TACC1: variants seen among roughly 807,000 people sequenced by gnomAD.
TACC1 encodes the protein transforming acidic coiled-coil containing protein 1, also known as transforming acidic coiled-coil-containing protein 1.
TACC1 carries 48 observed loss-of-function variants against 84.4 expected under a neutral mutation model. The observed-to-expected ratio is 0.57, with a 90% CI of 0.45 to 0.72. TACC1 has a LOEUF of 0.72. Ranked by LOEUF, TACC1 falls within the 30% of genes least tolerant of loss-of-function variation. TACC1 has a pLI of 0.00. For missense variants in TACC1, 920 were observed against 973.0 expected, an observed-to-expected ratio of 0.95 and a Z score of 0.72; for synonymous variants, 372 against 376.3, an observed-to-expected ratio of 0.99 and a Z score of 0.13.
rs1817474073 is a variant in TACC1 at position 38,787,358 on chromosome 8, G to A, written c.-225G>A. ...AGTGGAGCCCGGCGCGGGGCCCGCT[G>A]CGGCCGCACCGTGAGGGGAGGAGGC... On this transcript the variant is annotated 5_prime_UTR_variant, in exon 1 of 13. Transcript: ENST00000317827. 6.9e-6 allele frequency: 9 copies of A among 1,313,182 alleles called. 1 individual carries two copies. In the South Asian group the frequency reaches 1.9e-4, roughly 28 times the overall value. The allele number at this position is 1,313,182 out of a possible 1,614,324, so 81.3% of individuals were successfully genotyped here.
chr8:38,770,325 G>A (rs1297356529), intron 3 of TACC1, among the ~76,000 whole-genome samples: 2 of 152,096 alleles, frequency 1.3e-5, no homozygotes, highest in African/African-American at 4.8e-5. Flanking sequence ...CCTAGGGGCT[G>A]TAGATTTCCT....
rs185984997 is a variant in TACC1 at position 38,752,014 on chromosome 8, G to C, written c.26+6521G>C. 3.7e-3 allele frequency among the ~76,000 whole-genome samples: 562 copies of C among 152,302 alleles called. 6 individuals are homozygous for C. Among genetic ancestry groups the C allele is most frequent in the African/African-American group, 0.013 (543 of 41,554 alleles). ...TTACTTTCGTTAACCACCAAGCGTA[G>C]TTCCTAGTATCCAACAAATGTTAGT... On this transcript the variant is annotated intron_variant, in intron 3 of 14. Transcript: ENST00000518415.
At chr8:38,820,680 G>A (rs1319754910) in intron 3 of TACC1, 45 bp downstream of exon 3, 23 of 1,558,492 alleles carry the variant, frequency 1.5e-5, no homozygotes, top group Non-Finnish European at 1.9e-5. Flanking sequence ...TGTCTTGTCT[G>A]TTGAGTTTGG....
At chr8:38,757,364 G>A in intron 3 of TACC1, 1 of 1,264,928 alleles carries the variant, frequency 7.9e-7, no homozygotes, top group Non-Finnish European at 1.0e-6. Flanking sequence ...ACCCCGAGGG[G>A]CCGGGAACCC....
exon 3 of TACC1, chr8:38,745,278 G>T (rs770050476): frequency 4.1e-5 from 21 of 512,866 alleles, no homozygotes; most frequent in African/African-American, 7.8e-5. Context: ...CGCAGTTCAG[G>T]CCCAGCAAGA....
intron 7 of TACC1, among the ~76,000 whole-genome samples, chr8:38,836,640 G>T (rs1830295915): frequency 6.6e-6 from 1 of 152,148 alleles, no homozygotes; most frequent in Non-Finnish European, 1.5e-5. Flanking sequence ...AAAAACATTT[G>T]TAATTTTTTT....
chr8:38,823,047 A>T (rs1827232887), intron 3 of TACC1, among the ~76,000 whole-genome samples: 1 of 152,206 alleles, frequency 6.6e-6, no homozygotes. Flanking sequence ...GTCACTGTAG[A>T]TCAGTTGGGG....
At chr8:38,769,044 GGT>G (rs1220202384) in intron 3 of TACC1, among the ~76,000 whole-genome samples, 1 of 147,948 alleles carries the variant, frequency 6.8e-6, no homozygotes, top group African/African-American at 2.5e-5. Flanking sequence ...GGAGGTGTAT[GGT>G]GTGTGTGTGA....
intron 5 of TACC1, among the ~76,000 whole-genome samples, chr8:38,829,103 T>C (rs1016883336): frequency 2.6e-5 from 4 of 152,234 alleles, no homozygotes; most frequent in Admixed American, 1.3e-4. Flanking sequence ...ACTTTACTTA[T>C]GAAAAGTTTA....
chr8:38,742,778 G>A (rs1201037842), intron 2 of TACC1, among the ~76,000 whole-genome samples: 7 of 152,118 alleles, frequency 4.6e-5, no homozygotes, highest in African/African-American at 2.4e-5. Context: ...GCAGTGGCAC[G>A]ATCTCGGCTC....
rs576215601 is a variant in TACC1 at position 38,852,732 on chromosome 8, A to G, written c.*4709A>G. 6 of 152,776 alleles carry G rather than the reference A, an allele frequency of 3.9e-5. No individual in the cohort carries two copies. Among genetic ancestry groups the G allele is most frequent in the Admixed American group, 6.5e-5 (1 of 15,306 alleles). 9.5% of individuals were successfully genotyped at this position (152,776 alleles called of 1,614,324 possible). Reference sequence around the variant, plus strand: ...AGTGTGTGTTTGCCAATAGATACCCATTATACTAATGTGCCAAGTAAATGT... The same window carrying G: ...AGTGTGTGTTTGCCAATAGATACCCGTTATACTAATGTGCCAAGTAAATGT... On this transcript the variant is annotated 3_prime_UTR_variant, in exon 13 of 13. Transcript: ENST00000317827.
chr8:38,845,232 TG>T (rs1294047820), intron 11 of TACC1, among the ~76,000 whole-genome samples: 1 of 152,200 alleles, frequency 6.6e-6, no homozygotes, highest in Non-Finnish European at 1.5e-5. Context: ...CCTCCCAACT[TG>T]ACTTTTTAAC....
chr8:38,743,721 C>T (rs879487370), intron 2 of TACC1, among the ~76,000 whole-genome samples: 2 of 152,094 alleles, frequency 1.3e-5, no homozygotes, highest in African/African-American at 2.4e-5. Context: ...TTATTTTTCT[C>T]TCCCATAAAA....
Position 38,816,410 on chromosome 8 carries a change from A to G in TACC1, c.278-3112A>G, listed in dbSNP as rs111307199. On this transcript the variant is annotated intron_variant, in intron 2 of 12. Transcript: ENST00000317827. ...TTCTCCAGCACCAACTGGGTTTCCA[A>G]AAATTCAGTTCATTTCTTAAACTAT... 2.1e-3 allele frequency among the ~76,000 whole-genome samples: 315 copies of G among 152,308 alleles called. 1 individual carries two copies. The highest frequency in any genetic ancestry group is 6.9e-3 in the African/African-American group (288 of 41,580).
intron 3 of TACC1, among the ~76,000 whole-genome samples, chr8:38,757,940 G>A (rs1439024504): frequency 6.6e-6 from 1 of 152,156 alleles, no homozygotes; most frequent in African/African-American, 2.4e-5. Context: ...GCAGCAATTA[G>A]GCTTTTGTTC....
intron 1 of TACC1, among the ~76,000 whole-genome samples, chr8:38,730,540 G>C (rs9298639): frequency 6.6e-6 from 1 of 152,212 alleles, no homozygotes; most frequent in African/African-American, 2.4e-5. Context: ...GCCCTATAAG[G>C]TAGCTTTTGG....
At chr8:38,843,429 A>T (rs376465871) in intron 11 of TACC1, 34 bp downstream of exon 11, 172 of 1,511,532 alleles carry the variant, frequency 1.1e-4, no homozygotes, top group Non-Finnish European at 1.5e-4. Flanking sequence ...TTCACTCTTC[A>T]TGATGTTGTG....
At chr8:38,790,817 C>A (rs1189517483) in intron 2 of TACC1, among the ~76,000 whole-genome samples, 2 of 152,172 alleles carry the variant, frequency 1.3e-5, no homozygotes, top group African/African-American at 4.8e-5. Context: ...CTCAACTTGC[C>A]CTAGGCTGCA....
chr8:38,759,972 G>A (rs185497888), intron 3 of TACC1, among the ~76,000 whole-genome samples: 45 of 152,094 alleles, frequency 3.0e-4, no homozygotes, highest in African/African-American at 9.2e-4. Context: ...CATGGATAAC[G>A]CTGACCTCAA....
Sources: gnomAD v4.1 joint callset for allele counts (sites outside exome capture counted in the v4.1 genomes callset) on GRCh38, gnomAD v4.1.1 for gene constraint, MANE v1.5 for transcripts, NCBI Gene and HGNC (gene_info 2026-07-23, HGNC 2026-07-21) for gene names.